SLC19A1: variants seen among roughly 807,000 people sequenced by gnomAD.
SLC19A1 encodes solute carrier family 19 member 1.
In SLC19A1, 37 loss-of-function variants were observed where a neutral mutation model predicts 35.3. That is an observed-to-expected ratio of 1.05 (90% confidence interval 0.81 to 1.38). The LOEUF (loss-of-function observed/expected upper bound fraction) is 1.38. SLC19A1 is among the 40% of genes most tolerant of loss of function. SLC19A1 has a pLI of 0.00. For synonymous variants in SLC19A1, 460 were observed against 398.5 expected, an observed-to-expected ratio of 1.15 and a Z score of -1.84; for missense variants, 831 against 826.9, an observed-to-expected ratio of 1.00 and a Z score of -0.06.
upstream of SLC19A1, among the ~76,000 whole-genome samples, chr21:45,549,132 G>C (rs777821544): frequency 1.3e-5 from 2 of 152,196 alleles, no homozygotes; most frequent in Admixed American, 1.3e-4. Context: ...GCAACAACCC[G>C]AATATCCATT....
At chr21:45,510,227 C>T (rs1258389166), downstream of SLC19A1, 1 of 1,605,680 alleles carries the variant, frequency 6.2e-7, no homozygotes, top group South Asian at 1.1e-5. Context: ...GTGCGCCGTG[C>T]CGACCGCGCA....
downstream of SLC19A1, chr21:45,512,052 C>T: frequency 1.1e-6 from 1 of 922,618 alleles, no homozygotes; most frequent in Non-Finnish European, 1.7e-6. Flanking sequence ...TGTGGCCCTC[C>T]AGGTTGTGGG....
chr21:45,503,921 A>G (rs2037022868), intron 3 of SLC19A1: 6 of 1,428,768 alleles, frequency 4.2e-6, no homozygotes, highest in Admixed American at 1.7e-5. Context: ...GAAGGGCCTC[A>G]GGCAAACCCA....
upstream of SLC19A1, among the ~76,000 whole-genome samples, chr21:45,548,171 G>C (rs1029820431): frequency 4.6e-5 from 7 of 152,154 alleles, no homozygotes; most frequent in Non-Finnish European, 7.3e-5. Context: ...TTGGGGAAAG[G>C]GTGGTCTCTA....
In SLC19A1 at chr21:45,504,584, C is replaced by T. The variant is rs1275946837; in HGVS notation, c.498-5972G>A. ...AAGTCCCAGCCTGTGCAGGCAGAGC[C>T]CATGTCCCAGGGGTCTGGGTGCAGG... On this transcript the variant is annotated intron_variant, in intron 3 of 4. Coordinates refer to the SLC19A1 transcript ENST00000417954. 4.5e-6 allele frequency: 7 copies of T among 1,555,374 alleles called. No individual in the cohort carries two copies. The Admixed American group carries it at 5.8e-5, about 13-fold the overall frequency.
intron 3 of SLC19A1, among the ~76,000 whole-genome samples, chr21:45,504,852 C>T (rs936858967): frequency 6.6e-6 from 1 of 152,126 alleles, no homozygotes; most frequent in African/African-American, 2.4e-5. Flanking sequence ...GGTTTAGGCC[C>T]ATCAGTCCTG....
At chr21:45,519,398 A>G (rs796183261) in intron 5 of SLC19A1, among the ~76,000 whole-genome samples, 11 of 152,284 alleles carry the variant, frequency 7.2e-5, no homozygotes, top group Admixed American at 2.0e-4. Context: ...GAGATTAGCA[A>G]AGTCGATTTA....
At position 45,535,082 on chromosome 21, in the gene SLC19A1, G is replaced by T. The variant is rs558021789; in HGVS notation, c.189+2689C>A. 6.6e-5 allele frequency among the ~76,000 whole-genome samples: 10 copies of T among 152,390 alleles called. No individual in the cohort carries two copies. In the South Asian group the frequency reaches 1.7e-3, roughly 25 times the overall value. The stretch of plus-strand genomic sequence containing the variant: ...CAGGCGTGGGGCAGCAGGACTGGAT[G>T]CCACAGAAGGGCACCCAACAGGGGC... On this transcript the variant is annotated intron_variant, in intron 2 of 5. Coordinates refer to ENST00000311124, the MANE Select transcript of SLC19A1 (RefSeq NM_194255.4).
downstream of SLC19A1, chr21:45,511,139 C>G: frequency 1.3e-6 from 2 of 1,591,782 alleles, no homozygotes; most frequent in Non-Finnish European, 1.7e-6. Context: ...AGCTGGGAGG[C>G]TCTGTTCTCA....
intron 5 of SLC19A1, among the ~76,000 whole-genome samples, chr21:45,519,570 C>CA (rs57639933): frequency 0.012 from 681 of 57,078 alleles, 11 homozygotes; most frequent in South Asian, 0.027. Context: ...AACTTCTGAG[C>CA]AAAAAAAAAA....
At chr21:45,561,438 C>G (rs1439375528) in intron 1 of SLC19A1, among the ~76,000 whole-genome samples, 1 of 152,122 alleles carries the variant, frequency 6.6e-6, no homozygotes. Context: ...CTGGTGGGTT[C>G]CAGCTGCAAG....
Position 45,515,549 on chromosome 21 carries a change from T to TA in SLC19A1, c.*108dup, listed in dbSNP as rs1328206897. The TA allele has an allele frequency of 1.3e-6, 2 of 1,550,280 alleles. No individual in the cohort carries two copies. The highest frequency in any genetic ancestry group is 4.5e-5 in the East Asian group (2 of 44,648). Reference sequence around the variant, plus strand: ...GCAGGGGGAATCCTAGGGGGCCTGCTAGCAGGATAAGCGGAGGCCCCCATT... The same window carrying TA: ...GCAGGGGGAATCCTAGGGGGCCTGCTAAGCAGGATAAGCGGAGGCCCCCATT... On this transcript the variant is annotated 3_prime_UTR_variant, in exon 6 of 6. Coordinates refer to ENST00000311124, the MANE Select transcript of SLC19A1 (RefSeq NM_194255.4).
chr21:45,556,720 C>T lies in SLC19A1; in HGVS notation c.-50+6022G>A, dbSNP rs571667740. On this transcript the variant is annotated intron_variant, in intron 1 of 5. Transcript: ENST00000650808. ...CAGGACAGAACAGGACGTTGTCAAG[C>T]GCTCTGTGGCTGATCTGTCTCTGTT... is the stretch of plus-strand genomic sequence containing the variant. 2.0e-5 allele frequency among the ~76,000 whole-genome samples: 3 copies of T among 152,300 alleles called. No homozygotes were observed. In the East Asian group the frequency reaches 5.8e-4, roughly 29 times the overall value.
intron 4 of SLC19A1, among the ~76,000 whole-genome samples, chr21:45,526,543 A>ACG (rs1043701928): frequency 6.6e-6 from 1 of 152,130 alleles, no homozygotes; most frequent in Non-Finnish European, 1.5e-5. Flanking sequence ...GTGCTCAAAA[A>ACG]CTGTCAGATT....
At chr21:45,555,911 G>C (rs904440665) in intron 1 of SLC19A1, among the ~76,000 whole-genome samples, 1 of 152,114 alleles carries the variant, frequency 6.6e-6, no homozygotes, top group Non-Finnish European at 1.5e-5. Context: ...CATGGAGCAA[G>C]CTCTACACCC....
intron 3 of SLC19A1, chr21:45,505,382 G>A (rs2037135026): frequency 1.3e-6 from 2 of 1,591,556 alleles, no homozygotes; most frequent in Non-Finnish European, 1.7e-6. Context: ...GGCCCTCCGG[G>A]CCCCCCTGGG....
chr21:45,508,859 G>A (rs986018072), downstream of SLC19A1, among the ~76,000 whole-genome samples: 1 of 152,206 alleles, frequency 6.6e-6, no homozygotes, highest in African/African-American at 2.4e-5. Flanking sequence ...GGTGCAGGTG[G>A]ATGGCAATGG....
At chr21:45,519,344 A>G (rs1458639585) in intron 5 of SLC19A1, among the ~76,000 whole-genome samples, 2 of 152,198 alleles carry the variant, frequency 1.3e-5, no homozygotes, top group African/African-American at 2.4e-5. Flanking sequence ...TATACAAATT[A>G]TCACATTAAA....
At chr21:45,547,943 C>A (rs368781287), upstream of SLC19A1, among the ~76,000 whole-genome samples, 1 of 152,182 alleles carries the variant, frequency 6.6e-6, no homozygotes, top group Non-Finnish European at 1.5e-5. Flanking sequence ...CAGTGCAATC[C>A]AACAGAGATC....
Sources: gnomAD v4.1 joint callset for allele counts (sites outside exome capture counted in the v4.1 genomes callset) on GRCh38, gnomAD v4.1.1 for gene constraint, MANE v1.5 for transcripts, NCBI Gene and HGNC (gene_info 2026-07-23, HGNC 2026-07-21) for gene names.